The following STS variants were observed in gnomAD, a reference collection of about 807,000 sequenced individuals.
STS encodes steryl-sulfatase.
In STS, 7 loss-of-function variants were observed where a neutral mutation model predicts 26.8. The observed-to-expected ratio is 0.26, with a 90% CI of 0.15 to 0.49. The LOEUF (loss-of-function observed/expected upper bound fraction) is 0.49, where lower values mean the gene tolerates loss of function less well. Among genes scored for constraint, STS ranks in the 20% least tolerant of loss-of-function variants. STS has a pLI of 0.98. For missense variants in STS, 434 were observed against 465.6 expected (o/e 0.93, Z 0.63); for synonymous variants, 199 against 189.4 (o/e 1.05, Z -0.42).
chrX:7,240,552 T>A (rs1024024920), intron 2 of STS, among the ~76,000 whole-genome samples: 2 of 91,319 alleles, frequency 2.2e-5, no homozygotes, highest in African/African-American at 8.1e-5. Flanking sequence ...TATATATATA[T>A]AAAATGGATC....
At chrX:7,283,879 A>G (rs1972571940) in intron 7 of STS, among the ~76,000 whole-genome samples, 1 of 111,097 alleles carries the variant, frequency 9.0e-6, no homozygotes, top group Non-Finnish European at 1.9e-5. Flanking sequence ...TTTATATTCC[A>G]GAGGTTGAAT....
chrX:7,225,938 A>C (rs1442311578), intron 2 of STS, among the ~76,000 whole-genome samples: 3 of 112,382 alleles, frequency 2.7e-5, no homozygotes, highest in African/African-American at 9.7e-5. Context: ...CCATGACTTC[A>C]TTTTATAGAT....
chrX:7,201,047 A>G (rs1176696596), intron 2 of STS, among the ~76,000 whole-genome samples: 1 of 111,360 alleles, frequency 9.0e-6, no homozygotes, highest in African/African-American at 3.3e-5. Flanking sequence ...AGGCAGCTAT[A>G]TAGATAGATG....
chrX:7,337,935 C>G (rs1182701675), intron 10 of STS, among the ~76,000 whole-genome samples: 1 of 111,953 alleles, frequency 8.9e-6, no homozygotes, highest in Non-Finnish European at 1.9e-5. Flanking sequence ...AAACTTAATG[C>G]TAGGATTTCA....
intron 10 of STS, among the ~76,000 whole-genome samples, chrX:7,336,651 T>C (rs1158170626): frequency 1.8e-5 from 2 of 112,377 alleles, no homozygotes; most frequent in Non-Finnish European, 3.8e-5. Flanking sequence ...GATCAGTTTA[T>C]AGCATCAACT....
At position 7,313,007 on chromosome X, in the gene STS, T is replaced by C. The variant is rs150754685; in HGVS notation, c.1081+7824T>C. 3.2e-4 allele frequency among the ~76,000 whole-genome samples: 36 copies of C among 112,187 alleles called. No homozygotes were observed. In the East Asian group the frequency reaches 9.3e-3, roughly 29 times the overall value. On this transcript the variant is annotated intron_variant, in intron 8 of 10. Transcript: ENST00000674429. The stretch of plus-strand genomic sequence containing the variant: ...TCCTCATACTACAAGATTTCCTTAT[T>C]CTCAGAACAGAACAGTTAAACTCAT...
intron 8 of STS, among the ~76,000 whole-genome samples, chrX:7,307,473 C>T (rs1272590766): frequency 2.7e-5 from 3 of 111,246 alleles, no homozygotes; most frequent in African/African-American, 6.5e-5. Context: ...TGAGGCCTCT[C>T]TCACTTAAGA....
intron 1 of STS, among the ~76,000 whole-genome samples, chrX:7,183,478 AAT>A (rs1322320191): frequency 3.6e-5 from 4 of 112,138 alleles, no homozygotes; most frequent in Non-Finnish European, 5.6e-5. Flanking sequence ...TCACACAAGT[AAT>A]GACTCACTGA....
At chrX:7,300,859 C>T (rs3923341) in intron 7 of STS, among the ~76,000 whole-genome samples, 43,584 of 109,995 alleles carry the variant, frequency 0.4, 6,406 homozygotes, top group African/African-American at 0.43. Flanking sequence ...CAGGGATAAG[C>T]ATTAAGATGG....
In STS at chrX:7,282,481, G is replaced by A. The variant is rs367914109; in HGVS notation, c.943+6394G>A. On this transcript the variant is annotated intron_variant, in intron 7 of 10. Transcript: ENST00000674429. ...CTCCCAAGGTGCTAGGATTACAGGC[G>A]TGAGCCTCCATGCTTGGCCAGTTAA... Among the ~76,000 whole-genome samples, 12 of 112,263 alleles carry A rather than the reference G, an allele frequency of 1.1e-4. No individual in the cohort carries two copies. In the East Asian group the frequency reaches 3.4e-3, roughly 32 times the overall value.
chrX:7,321,208 TG>T (rs1197555198), intron 8 of STS, among the ~76,000 whole-genome samples: 6 of 111,253 alleles, frequency 5.4e-5, no homozygotes, highest in African/African-American at 2.0e-4. Context: ...CACTTATAAG[TG>T]GGAGCTAAAC....
At chrX:7,220,195 C>T (rs758740652) in intron 2 of STS, among the ~76,000 whole-genome samples, 40 of 111,380 alleles carry the variant, frequency 3.6e-4, no homozygotes, top group Non-Finnish European at 6.6e-4. Context: ...TATGGGCTGT[C>T]GGAATCTTCT....
Position 7,203,860 on chromosome X carries a change from T to C in STS, c.-5+12852T>C, listed in dbSNP as rs113657277. Among the ~76,000 whole-genome samples the C allele has an allele frequency of 2.7e-5, 3 of 111,439 alleles. No homozygotes were observed. The East Asian group carries it at 8.5e-4, about 32-fold the overall frequency. On this transcript the variant is annotated intron_variant, in intron 2 of 10. Transcript: ENST00000674429. ...AATACGATGGCACAGTCATAGCTCA[T>C]TGTAGCCTCAAACTTCTGGGCTCAA...
intron 7 of STS, among the ~76,000 whole-genome samples, chrX:7,300,420 C>T (rs1336329144): frequency 8.9e-6 from 1 of 112,048 alleles, no homozygotes; most frequent in East Asian, 2.8e-4. Context: ...TAATAGATTG[C>T]TCTGAAAGCA....
intron 1 of STS, among the ~76,000 whole-genome samples, chrX:7,181,299 T>C (rs769546000): frequency 6.2e-5 from 7 of 112,418 alleles, no homozygotes; most frequent in Non-Finnish European, 1.3e-4. Context: ...TTTTTTAGCC[T>C]CAAATGTTAA....
At chrX:7,204,391 A>G (rs1934143648) in intron 2 of STS, among the ~76,000 whole-genome samples, 1 of 111,175 alleles carries the variant, frequency 9.0e-6, no homozygotes, top group South Asian at 3.8e-4. Flanking sequence ...ATTAATTTAC[A>G]ATTGTTTTCT....
rs185070474 is a variant in STS, at chrX:7,218,338, T to C, written c.-5+27330T>C. Among the ~76,000 whole-genome samples the C allele has an allele frequency of 8.3e-4, 93 of 112,703 alleles. 2 individuals carry two copies. In the East Asian group the frequency reaches 0.024, roughly 30 times the overall value. ...AGAGAAGCCAATACTTTTCCTGTTTTTGTGTTTTATCCTCCATTCTTCATC... is the reference window on the plus strand; with the variant it reads ...AGAGAAGCCAATACTTTTCCTGTTTCTGTGTTTTATCCTCCATTCTTCATC... On this transcript the variant is annotated intron_variant, in intron 2 of 10. Coordinates refer to ENST00000674429, the MANE Select transcript of STS (RefSeq NM_001320752.2).
chrX:7,305,127 TAGA>T lies in STS; in HGVS notation c.1031_1033del (p.Glu344del), dbSNP rs1926151614. The T allele has an allele frequency of 2.5e-6, 3 of 1,209,699 alleles. No homozygotes were observed. Among genetic ancestry groups the T allele is most frequent in the Admixed American group, 2.2e-5 (1 of 45,745 alleles). ...TTCACATCGGACCAGGGAGCACATG[TAGA>T]AGAAGTGTCTTCCAAAGGAGAAATT... On this transcript the variant is annotated inframe_deletion, in exon 8 of 11. Transcript: ENST00000674429.
At chrX:7,205,648 T>C (rs1934205950) in intron 2 of STS, among the ~76,000 whole-genome samples, 2 of 106,531 alleles carry the variant, frequency 1.9e-5, no homozygotes, top group South Asian at 8.8e-4. Flanking sequence ...TTTCTTTTTT[T>C]TTTTTTTTGA....
Sources: gnomAD v4.1 joint callset for allele counts (sites outside exome capture counted in the v4.1 genomes callset) on GRCh38, gnomAD v4.1.1 for gene constraint, MANE v1.5 for transcripts, NCBI Gene and HGNC (gene_info 2026-07-23, HGNC 2026-07-21) for gene names.